The following ARL13B variants were observed in gnomAD, a reference collection of about 807,000 sequenced individuals.
ARL13B encodes the protein ARF like GTPase 13B.
ARL13B carries 36 observed loss-of-function variants against 56.1 expected under a neutral mutation model. That is an observed-to-expected ratio of 0.64 (90% CI 0.49 to 0.85). ARL13B has a LOEUF of 0.85. ARL13B is among the 40% of genes least tolerant of loss of function. The pLI, the probability that ARL13B is intolerant of heterozygous loss-of-function variation, is 0.00. For synonymous variants in ARL13B, 178 were observed against 171.1 expected, an observed-to-expected ratio of 1.04 and a Z score of -0.32; for missense variants, 519 against 507.1, an observed-to-expected ratio of 1.02 and a Z score of -0.23.
At chr3:94,026,665 A>T (rs1010653238) in intron 3 of ARL13B, among the ~76,000 whole-genome samples, 4 of 152,194 alleles carry the variant, frequency 2.6e-5, no homozygotes, top group Admixed American at 1.3e-4. Flanking sequence ...TAGTTGTGAA[A>T]TCATTTAATT....
intron 3 of ARL13B, among the ~76,000 whole-genome samples, chr3:94,015,532 G>A (rs1482017230): frequency 6.6e-6 from 1 of 152,174 alleles, no homozygotes; most frequent in East Asian, 1.9e-4. Context: ...TGAGAAAGCA[G>A]TGATGCAGAC....
chr3:94,017,586 T>A (rs947012178), intron 3 of ARL13B, among the ~76,000 whole-genome samples: 3 of 152,264 alleles, frequency 2.0e-5, no homozygotes, highest in African/African-American at 7.2e-5. Context: ...ATATAAGTTT[T>A]AAATGCTGTA....
intron 3 of ARL13B, among the ~76,000 whole-genome samples, chr3:94,020,444 C>G (rs533539454): frequency 1.3e-5 from 2 of 152,064 alleles, no homozygotes; most frequent in African/African-American, 4.8e-5. Flanking sequence ...CTTTATACGA[C>G]AGTATAGCAT....
chr3:94,037,872 G>GT (rs1221394285), intron 5 of ARL13B, among the ~76,000 whole-genome samples: 10 of 152,064 alleles, frequency 6.6e-5, no homozygotes, highest in Non-Finnish European at 1.3e-4. Flanking sequence ...TCTAGATCAT[G>GT]TTATGGCAGG....
intron 1 of ARL13B, among the ~76,000 whole-genome samples, chr3:93,982,301 C>T (rs897912775): frequency 4.6e-5 from 7 of 152,250 alleles, no homozygotes; most frequent in African/African-American, 1.7e-4. Flanking sequence ...CTGCATAACC[C>T]AGAGTGTATT....
chr3:93,998,271 C>G (rs893739096), intron 2 of ARL13B, among the ~76,000 whole-genome samples: 1 of 152,158 alleles, frequency 6.6e-6, no homozygotes, highest in Non-Finnish European at 1.5e-5. Flanking sequence ...TTAGAATGTG[C>G]TAATCAGATT....
At chr3:94,045,094 T>C (rs1234771396) in intron 7 of ARL13B, among the ~76,000 whole-genome samples, 3 of 152,238 alleles carry the variant, frequency 2.0e-5, no homozygotes, top group African/African-American at 7.2e-5. Context: ...CATTTTGTTC[T>C]GTACTAAGAA....
intron 1 of ARL13B, among the ~76,000 whole-genome samples, chr3:93,987,451 C>T (rs759953820): frequency 1.3e-5 from 2 of 152,080 alleles, no homozygotes; most frequent in South Asian, 2.1e-4. Flanking sequence ...TCACTTGTTT[C>T]GGCAGATAGC....
chr3:94,023,274 C>T (rs1187278336), intron 3 of ARL13B, among the ~76,000 whole-genome samples: 1 of 152,170 alleles, frequency 6.6e-6, no homozygotes, highest in African/African-American at 2.4e-5. Context: ...ACTACATCTT[C>T]TAGTTTTGTT....
intron 1 of ARL13B, 99 bp from the exon 2 acceptor site, chr3:93,995,775 G>C: frequency 9.4e-7 from 1 of 1,068,224 alleles, no homozygotes; most frequent in Non-Finnish European, 1.4e-6. Context: ...TGCTTAATAG[G>C]TGCTCCTTAA....
At chr3:94,006,039 G>T (rs764776100) in intron 3 of ARL13B, among the ~76,000 whole-genome samples, 1 of 152,116 alleles carries the variant, frequency 6.6e-6, no homozygotes, top group Non-Finnish European at 1.5e-5. Context: ...GGTGGCTCAC[G>T]CCTGTAATCC....
chr3:94,002,736 C>G lies in ARL13B; in HGVS notation c.131-923C>G, dbSNP rs188548819. Among the ~76,000 whole-genome samples the G allele has an allele frequency of 5.4e-3, 819 of 152,304 alleles. 3 individuals carry two copies. Among genetic ancestry groups the G allele is most frequent in the South Asian group, 0.016 (79 of 4,828 alleles). On this transcript the variant is annotated intron_variant, in intron 2 of 9. Coordinates refer to ENST00000394222, the MANE Select transcript of ARL13B (RefSeq NM_001174150.2). Reference sequence around the variant, plus strand: ...GATTAATTTTAATAAAGCACTATTTCAGTCACCTTAATTATATCATTGGTC... The same window carrying G: ...GATTAATTTTAATAAAGCACTATTTGAGTCACCTTAATTATATCATTGGTC...
intron 7 of ARL13B, among the ~76,000 whole-genome samples, chr3:94,043,869 T>A (rs939049898): frequency 1.1e-4 from 16 of 149,876 alleles, no homozygotes; most frequent in African/African-American, 3.9e-4. Flanking sequence ...TGTTGACCGA[T>A]CTGGTCTCCA....
At chr3:94,009,277 T>C (rs1329509809) in intron 3 of ARL13B, among the ~76,000 whole-genome samples, 1 of 152,060 alleles carries the variant, frequency 6.6e-6, no homozygotes, top group Non-Finnish European at 1.5e-5. Context: ...TTTTCCATAT[T>C]AGGAGAAACA....
At chr3:93,985,819 T>TG (rs1330165141) in intron 1 of ARL13B, among the ~76,000 whole-genome samples, 18 of 152,198 alleles carry the variant, frequency 1.2e-4, no homozygotes, top group Admixed American at 1.1e-3. Context: ...GCATCACAAA[T>TG]ACAACCTATC....
At chr3:93,988,785 C>CTT in intron 1 of ARL13B, 7 of 336,144 alleles carry the variant, frequency 2.1e-5, no homozygotes, top group Non-Finnish European at 2.9e-5. Flanking sequence ...CATTTGTTTG[C>CTT]ATTTTTTTTT....
At chr3:93,980,549 G>C in intron 1 of ARL13B, 67 bp downstream of exon 1, 1 of 1,585,912 alleles carries the variant, frequency 6.3e-7, no homozygotes, top group South Asian at 1.1e-5. Flanking sequence ...GGGGCGAGGC[G>C]CCGCCTTTTC....
intron 1 of ARL13B, among the ~76,000 whole-genome samples, chr3:93,987,488 A>T (rs1710525216): frequency 6.6e-6 from 1 of 152,044 alleles, no homozygotes; most frequent in African/African-American, 2.4e-5. Flanking sequence ...AGACCTTTGG[A>T]TCCCTTAATC....
chr3:93,991,669 C>T (rs1173244031), intron 1 of ARL13B, among the ~76,000 whole-genome samples: 8 of 152,180 alleles, frequency 5.3e-5, no homozygotes, highest in Non-Finnish European at 1.2e-4. Flanking sequence ...CCATGTCCGT[C>T]CAATTTATCA....
Sources: gnomAD v4.1 joint callset for allele counts (sites outside exome capture counted in the v4.1 genomes callset) on GRCh38, gnomAD v4.1.1 for gene constraint, MANE v1.5 for transcripts, NCBI Gene and HGNC (gene_info 2026-07-23, HGNC 2026-07-21) for gene names.